CPLANE1: variants seen among roughly 807,000 people sequenced by gnomAD.
CPLANE1 encodes the protein ciliogenesis and planar polarity effector complex subunit 1, also known as ciliogenesis and planar polarity effector 1.
A neutral mutation model predicts 362.5 loss-of-function variants in CPLANE1; 263 were observed. The observed-to-expected ratio is 0.73, with a 90% CI of 0.66 to 0.80. The LOEUF is 0.80. Among genes scored for constraint, CPLANE1 ranks in the 30% least tolerant of loss-of-function variants. CPLANE1 has a pLI of 0.00. For synonymous variants in CPLANE1, 1,212 were observed against 1,302.6 expected (o/e 0.93, Z 1.50); for missense variants, 3,461 against 3,793.4 (o/e 0.91, Z 2.30).
the CPLANE1 span, among the ~76,000 whole-genome samples, chr5:37,080,743 C>G: frequency 6.6e-6 from 1 of 152,126 alleles, no homozygotes; most frequent in South Asian, 2.1e-4. Flanking sequence ...ACCTGATACT[C>G]CAGACATCCA....
At chr5:37,181,232 C>A (rs1782584466) in intron 26 of CPLANE1, among the ~76,000 whole-genome samples, 1 of 152,116 alleles carries the variant, frequency 6.6e-6, no homozygotes, top group Non-Finnish European at 1.5e-5. Context: ...CAAAAGAAAT[C>A]AGCCTTACAA....
intron 46 of CPLANE1, among the ~76,000 whole-genome samples, chr5:37,135,694 G>A (rs748604650): frequency 3.3e-5 from 5 of 152,048 alleles, no homozygotes; most frequent in African/African-American, 7.2e-5. Flanking sequence ...TTAGCTGGAC[G>A]TGGTGGCACG....
Position 37,226,491 on chromosome 5 carries a change from C to A in CPLANE1, c.2104G>T (p.Val702Leu), listed in dbSNP as rs1272351781. 1.9e-6 allele frequency: 3 copies of A among 1,550,320 alleles called. No homozygotes were observed. Among genetic ancestry groups the A allele is most frequent in the Non-Finnish European group, 2.6e-6 (3 of 1,146,492 alleles). The change falls in exon 12 of 53, where the codon GTA (valine) becomes TTA (leucine). Residue 702 changes from valine (V) to leucine (L), a missense_variant. Coordinates refer to ENST00000651892, the MANE Select transcript of CPLANE1 (RefSeq NM_001384732.1). ...LKMVADNLNG[V>L]YILQPEVISA... ...ATAACTTCAGGTTGAAGAATGTATACACCATTTAAATTGTCAGCTACCATT... is the reference window on the plus strand; with the variant it reads ...ATAACTTCAGGTTGAAGAATGTATAAACCATTTAAATTGTCAGCTACCATT...
At position 37,106,626 on chromosome 5, in the gene CPLANE1, T is replaced by C. The variant is rs927072187; in HGVS notation, c.*976A>G. ...TGGTAAGGAGAGTAGCATTGTTTTATAGTTCTACAAATCTCTTTAATGTTT... is the reference window on the plus strand; with the variant it reads ...TGGTAAGGAGAGTAGCATTGTTTTACAGTTCTACAAATCTCTTTAATGTTT... On this transcript the variant is annotated 3_prime_UTR_variant, in exon 53 of 53. Coordinates refer to ENST00000651892, the MANE Select transcript of CPLANE1 (RefSeq NM_001384732.1). The C allele has an allele frequency of 2.7e-6, 1 of 370,748 alleles. No individual in the cohort carries two copies. The highest frequency in any genetic ancestry group is 1.1e-4 in the South Asian group (1 of 9,028). The allele number at this position is 370,748 out of a possible 1,614,324, so 23.0% of individuals were successfully genotyped here. A position where few individuals can be genotyped will look rare whatever the true frequency, so the allele number is the denominator to read the frequency against.
In CPLANE1 at chr5:37,120,883, T is replaced by C. The variant is rs536858756; in HGVS notation, c.9186-543A>G. On this transcript the variant is annotated intron_variant, in intron 49 of 52. Coordinates refer to ENST00000651892, the MANE Select transcript of CPLANE1 (RefSeq NM_001384732.1). ...CACACACAGATGATCTGATTACATC[T>C]GGGTTTGTGTTGGTAGTATCTCCTC... Among the ~76,000 whole-genome samples the C allele has an allele frequency of 2.6e-5, 4 of 152,348 alleles. No homozygotes were observed. In the East Asian group the frequency reaches 7.7e-4, roughly 29 times the overall value.
Position 37,180,102 on chromosome 5 carries a change from T to C in CPLANE1, c.5652A>G (p.Lys1884=). 1 of 1,562,364 alleles carries C rather than the reference T, an allele frequency of 6.4e-7. No homozygotes were observed. Among genetic ancestry groups the C allele is most frequent in the Non-Finnish European group, 8.7e-7 (1 of 1,151,336 alleles). Residue 1884 remains lysine (K), a synonymous_variant, in exon 28 of 53, where the codon AAA becomes AAG. Transcript: ENST00000651892. ...GATTCTCATCAATATCTATAAATTC[T>C]TTTTTAGTATTATGAGTGATGGAAA... The part of the protein sequence containing the change: ...DIISITHNTK[K]EFIDIDENLL...
chr5:37,198,954 G>C, intron 19 of CPLANE1, 88 bp from the exon 20 acceptor site: 2 of 1,213,514 alleles, frequency 1.6e-6, no homozygotes, highest in Non-Finnish European at 1.2e-6. Context: ...CTAATGAGCT[G>C]AGCACAGTGG....
intron 29 of CPLANE1, among the ~76,000 whole-genome samples, 170 bp from the exon 30 acceptor site, chr5:37,177,870 T>C (rs554610396): frequency 1.3e-5 from 2 of 152,314 alleles, no homozygotes; most frequent in African/African-American, 4.8e-5. Context: ...ACCTAATCTT[T>C]ATACTGTGTG....
intron 19 of CPLANE1, among the ~76,000 whole-genome samples, chr5:37,200,097 G>C (rs970084315): frequency 1.3e-5 from 2 of 152,162 alleles, no homozygotes; most frequent in Non-Finnish European, 2.9e-5. Flanking sequence ...TAGAGCAAAA[G>C]ACAGAGCCCA....
intron 34 of CPLANE1, among the ~76,000 whole-genome samples, chr5:37,168,403 G>A (rs1213854344): frequency 6.6e-6 from 1 of 151,922 alleles, no homozygotes; most frequent in Non-Finnish European, 1.5e-5. Context: ...CAGAGTACCT[G>A]GTAATTTTAC....
chr5:37,211,903 C>T (rs999417029), intron 16 of CPLANE1: 4 of 789,898 alleles, frequency 5.1e-6, no homozygotes, highest in Non-Finnish European at 9.3e-6. Context: ...CCCTCTCCTG[C>T]CGGGGATATG....
chr5:37,108,429 T>C lies in CPLANE1; in HGVS notation c.9443A>G (p.His3148Arg), dbSNP rs773303691. The C allele has an allele frequency of 1.9e-6, 3 of 1,614,220 alleles. No individual in the cohort carries two copies. Among genetic ancestry groups the C allele is most frequent in the Non-Finnish European group, 1.7e-6 (2 of 1,180,028 alleles). The change falls in exon 52 of 53, where the codon CAT becomes CGT. Residue 3148 changes from histidine to arginine, a missense_variant. His to Arg is a conservative substitution (Grantham distance 29). Around this residue, in one of 2 missense-constraint regions of CPLANE1, gnomAD observed 3,380 missense variants for 3,666.1 expected, o/e 0.92. Transcript: ENST00000651892. ...PCHSLQHTKKHGSAGLAPQTK... is the reference protein window; with the variant it reads ...PCHSLQHTKKRGSAGLAPQTK... ...TTGAGGTGCAAGCCCAGCACTTCCA[T>C]GTTTTTTTGTATGCTGCAGACTATG...
Position 37,209,348 on chromosome 5 carries a change from A to T in CPLANE1, c.2921-2923T>A, listed in dbSNP as rs186493227. 7.2e-5 allele frequency: 69 copies of T among 955,142 alleles called. No individual in the cohort carries two copies. The East Asian group carries it at 1.6e-3, about 22-fold the overall frequency. The allele number at this position is 955,142 out of a possible 1,614,324, so 59.2% of individuals were successfully genotyped here. A position where few individuals can be genotyped will look rare whatever the true frequency, so the allele number is the denominator to read the frequency against. On this transcript the variant is annotated intron_variant, in intron 16 of 52. Coordinates refer to ENST00000651892, the MANE Select transcript of CPLANE1 (RefSeq NM_001384732.1). This position sits in a 1 kb window ranked among gnomAD's most constrained non-coding sequence, Gnocchi z 4.6. ...GCGGGGCGAGCGAGGCGGGCTCCGG[A>T]GGAAGCTGACGGCTGATGATGGCTC...
intron 21 of CPLANE1, among the ~76,000 whole-genome samples, chr5:37,194,347 CTTTA>C (rs1170502126): frequency 2.0e-5 from 3 of 152,166 alleles, no homozygotes; most frequent in East Asian, 1.9e-4. Context: ...GTGTTCAAAT[CTTTA>C]TTTAAGTCAT....
chr5:37,094,921 C>G, the CPLANE1 span, among the ~76,000 whole-genome samples: 1 of 151,944 alleles, frequency 6.6e-6, no homozygotes, highest in African/African-American at 2.4e-5. Context: ...TAATAAGCAG[C>G]AAGATTGAAA....
chr5:37,076,352 G>GTC, the CPLANE1 span, among the ~76,000 whole-genome samples: 1 of 151,860 alleles, frequency 6.6e-6, no homozygotes, highest in Non-Finnish European at 1.5e-5. Flanking sequence ...TTGAGACAAG[G>GTC]TCTCACTCTG....
In CPLANE1 at chr5:37,173,830, T is replaced by G. The variant is rs764609136; in HGVS notation, c.6096A>C (p.Glu2032Asp). 1 of 1,614,092 alleles carries G rather than the reference T, an allele frequency of 6.2e-7. No homozygotes were observed. The highest frequency in any genetic ancestry group is 1.3e-5 in the African/African-American group (1 of 74,926). The part of the protein sequence containing the change: ...APTPQKTQRN[E>D]FTAQLPDCSE... ...AACAATCTGGTAACTGAGCCGTGAA[T>G]TCATTTCTCTGGGTCTTCTGAGGTG... The change falls in exon 32 of 53, where the codon GAA becomes GAC. Residue 2032 changes from glutamate to aspartate, a missense_variant. Physicochemically the swap from Glu to Asp is conservative, Grantham distance 45. Transcript: ENST00000651892.
In CPLANE1 at chr5:37,213,831, T is replaced by A. The variant is rs1035081621; in HGVS notation, c.2747-99A>T. Reference sequence around the variant, plus strand: ...TATACAAAAAGAAAATTGCAATACCTTTTTTTCTGAGATAAGCACCCATGG... The same window carrying A: ...TATACAAAAAGAAAATTGCAATACCATTTTTTCTGAGATAAGCACCCATGG... On this transcript the variant is annotated intron_variant, in intron 15 of 52. Coordinates refer to ENST00000651892, the MANE Select transcript of CPLANE1 (RefSeq NM_001384732.1). 49 of 923,226 alleles carry A rather than the reference T, an allele frequency of 5.3e-5. No individual in the cohort carries two copies. In the Admixed American group the frequency reaches 6.0e-4, roughly 11 times the overall value. The allele number at this position is 923,226 out of a possible 1,614,324, so 57.2% of individuals were successfully genotyped here.
At chr5:37,165,709 T>C in intron 35 of CPLANE1, 38 bp from the exon 36 acceptor site, 1 of 1,547,330 alleles carries the variant, frequency 6.5e-7, no homozygotes, top group Non-Finnish European at 8.7e-7. Flanking sequence ...CTTTTACAAC[T>C]ATAGCAACAT....
Sources: gnomAD v4.1 joint callset for allele counts (sites outside exome capture counted in the v4.1 genomes callset) on GRCh38, gnomAD v4.1.1 for gene constraint, gnomAD v4.1.1 regional missense constraint, Gnocchi (gnomAD v3.1) non-coding constraint, MANE v1.5 for transcripts, NCBI Gene and HGNC (gene_info 2026-07-23, HGNC 2026-07-21) for gene names.